The following DPY19L4 variants were observed in gnomAD, a reference collection of about 807,000 sequenced individuals.
DPY19L4 encodes the protein dpy-19 like 4.
In DPY19L4, 97 loss-of-function variants were observed where a neutral mutation model predicts 102.8. The ratio of observed to expected loss-of-function variants is 0.94; its 90% CI spans 0.80 to 1.12. The LOEUF (loss-of-function observed/expected upper bound fraction) is 1.12. Ranked by LOEUF, DPY19L4 falls within the 50% of genes most tolerant of loss-of-function variation. DPY19L4 has a pLI of 0.00. For missense variants in DPY19L4, 815 were observed against 850.4 expected (o/e 0.96, Z 0.52); for synonymous variants, 252 against 283.1 (o/e 0.89, Z 1.10).
At position 94,743,276 on chromosome 8, in the gene DPY19L4, C is replaced by T. The variant is rs146574336; in HGVS notation, c.611+3486C>T. On this transcript the variant is annotated intron_variant, in intron 6 of 18. Coordinates refer to ENST00000414645, the MANE Select transcript of DPY19L4 (RefSeq NM_181787.3). ...AACTCCTGACCTCAAGTGATCCACCCGCCTCGGCCTCCCAAAGTGCTGGGA... is the reference window on the plus strand; with the variant it reads ...AACTCCTGACCTCAAGTGATCCACCTGCCTCGGCCTCCCAAAGTGCTGGGA... 6.4e-3 allele frequency among the ~76,000 whole-genome samples: 971 copies of T among 151,890 alleles called. 10 individuals carry two copies. The highest frequency in any genetic ancestry group is 0.023 in the African/African-American group (943 of 41,440).
In DPY19L4 at chr8:94,775,208, C is replaced by T. The variant is rs116269090; in HGVS notation, c.1455-2458C>T. Reference sequence around the variant, plus strand: ...CCTTTTTTTTTTTTGAGACAGGGTCCTGTTCTCTTGCCGAGGCTGGAGGCG... The same window carrying T: ...CCTTTTTTTTTTTTGAGACAGGGTCTTGTTCTCTTGCCGAGGCTGGAGGCG... On this transcript the variant is annotated intron_variant, in intron 13 of 18. Transcript: ENST00000414645. Among the ~76,000 whole-genome samples, 999 of 151,176 alleles carry T rather than the reference C, an allele frequency of 6.6e-3. 10 individuals are homozygous for T. The highest frequency in any genetic ancestry group is 0.023 in the African/African-American group (944 of 41,170).
At chr8:94,727,398 T>C (rs1403778448) in intron 2 of DPY19L4, among the ~76,000 whole-genome samples, 1 of 152,162 alleles carries the variant, frequency 6.6e-6, no homozygotes, top group African/African-American at 2.4e-5. Flanking sequence ...CACGCCTGGC[T>C]AATTTTTGTA....
rs1813917717 is a variant in DPY19L4, at chr8:94,792,579, A to C, written c.*2669A>C. 6.7e-6 allele frequency: 1 copy of C among 149,090 alleles called. No homozygotes were observed. Among genetic ancestry groups the C allele is most frequent in the East Asian group, 2.2e-4 (1 of 4,578 alleles). 9.2% of individuals were successfully genotyped at this position (149,090 alleles called of 1,614,324 possible). Reference sequence around the variant, plus strand: ...TTTGTTAAAAGTAGAGATGGAGGCCAGGCGCAGTGGCTCACTCCTGTAATC... The same window carrying C: ...TTTGTTAAAAGTAGAGATGGAGGCCCGGCGCAGTGGCTCACTCCTGTAATC... On this transcript the variant is annotated 3_prime_UTR_variant, in exon 19 of 19. Coordinates refer to ENST00000414645, the MANE Select transcript of DPY19L4 (RefSeq NM_181787.3).
chr8:94,764,234 A>G (rs1812527908), intron 8 of DPY19L4, among the ~76,000 whole-genome samples: 1 of 152,156 alleles, frequency 6.6e-6, no homozygotes, highest in African/African-American at 2.4e-5. Flanking sequence ...TCTGATTTAG[A>G]CACTGATGCT....
rs748423055 is a variant in DPY19L4 at position 94,765,356 on chromosome 8, T to C, written c.1002+42T>C. 1.1e-5 allele frequency: 17 copies of C among 1,571,070 alleles called. 1 individual carries two copies. Among genetic ancestry groups the C allele is most frequent in the Admixed American group, 2.0e-5 (1 of 49,402 alleles). On this transcript the variant is annotated intron_variant, in intron 9 of 18. Transcript: ENST00000414645. ...TTTTATTGTTCTTATTTTGATTTTT[T>C]TTTTTTGAAGTGGAGTCTCACTCTG... is the stretch of plus-strand genomic sequence containing the variant.
intron 1 of DPY19L4, 34 bp from the exon 2 acceptor site, chr8:94,726,297 A>G: frequency 1.3e-6 from 2 of 1,548,832 alleles, no homozygotes; most frequent in East Asian, 2.3e-5. Context: ...ACAATTTTAT[A>G]CACACATTGC....
intron 13 of DPY19L4, among the ~76,000 whole-genome samples, chr8:94,774,205 G>A (rs1337035588): frequency 1.3e-5 from 2 of 151,776 alleles, no homozygotes; most frequent in Admixed American, 1.3e-4. Flanking sequence ...CACCATGCCT[G>A]GCTAATATTT....
intron 12 of DPY19L4, among the ~76,000 whole-genome samples, chr8:94,769,888 CTTTTTT>C (rs368515503): frequency 2.3e-5 from 3 of 131,230 alleles, no homozygotes; most frequent in African/African-American, 5.7e-5. Flanking sequence ...TTATTCTTTT[CTTTTTT>C]TTTTTTTTTT....
chr8:94,735,453 T>C (rs1411230419), intron 3 of DPY19L4, among the ~76,000 whole-genome samples: 4 of 152,216 alleles, frequency 2.6e-5, no homozygotes, highest in Admixed American at 2.6e-4. Context: ...TTGATTTAGC[T>C]ATTACTGTAG....
intron 18 of DPY19L4, 101 bp from the exon 19 acceptor site, chr8:94,789,642 CAAT>C: frequency 2.9e-6 from 3 of 1,029,284 alleles, no homozygotes; most frequent in Admixed American, 5.5e-5. Flanking sequence ...CAATGTTTAG[CAAT>C]AATGTGTTTT....
Position 94,720,102 on chromosome 8 carries a change from CTGGTGGCCGCGGTCGCGG to C in DPY19L4, c.16+92_16+109del, listed in dbSNP as rs200238356. 4.6e-3 allele frequency: 6,665 copies of C among 1,435,708 alleles called. 299 individuals are homozygous for C. The African/African-American group carries it at 0.089, about 19-fold the overall frequency. The allele number at this position is 1,435,708 out of a possible 1,614,324, so 88.9% of individuals were successfully genotyped here. On this transcript the variant is annotated intron_variant, in intron 1 of 18. Transcript: ENST00000414645. ...GCGCTGGAGGTCTGGGTTGGAGCTG[CTGGTGGCCGCGGTCGCGG>C]TGGCGGCCGCGCGGGCAGGGCGGGA... is the stretch of plus-strand genomic sequence containing the variant.
rs1486429183 is a variant in DPY19L4, at chr8:94,746,182, C to T, written c.611+6392C>T. ...GTTTAAGTGATTCTCCTGCTTCAGCCTCCTGAGTAGCTGGGATTACAGGCA... is the reference window on the plus strand; with the variant it reads ...GTTTAAGTGATTCTCCTGCTTCAGCTTCCTGAGTAGCTGGGATTACAGGCA... On this transcript the variant is annotated intron_variant, in intron 6 of 18. Coordinates refer to ENST00000414645, the MANE Select transcript of DPY19L4 (RefSeq NM_181787.3). 2.0e-5 allele frequency among the ~76,000 whole-genome samples: 3 copies of T among 151,380 alleles called. No homozygotes were observed. In the East Asian group the frequency reaches 5.8e-4, roughly 29 times the overall value.
chr8:94,774,493 A>T (rs1307833904), intron 13 of DPY19L4, among the ~76,000 whole-genome samples: 1 of 152,056 alleles, frequency 6.6e-6, no homozygotes, highest in East Asian at 1.9e-4. Context: ...CATCTTGTAA[A>T]TCTAAAACTG....
In DPY19L4 at chr8:94,791,146, T is replaced by C. The variant is rs1813870490; in HGVS notation, c.*1236T>C. On this transcript the variant is annotated 3_prime_UTR_variant, in exon 19 of 19. Transcript: ENST00000414645. ...CTTATATTCCTGTTCAGTGAACAGA[T>C]TTTCATAATTCTCACTTGTTAAAGT... 13 of 152,170 alleles carry C rather than the reference T, an allele frequency of 8.5e-5. No homozygotes were observed. The highest frequency in any genetic ancestry group is 8.5e-4 in the Admixed American group (13 of 15,290). The allele number at this position is 152,170 out of a possible 1,614,324, so 9.4% of individuals were successfully genotyped here. A position where few individuals can be genotyped will look rare whatever the true frequency, so the allele number is the denominator to read the frequency against.
chr8:94,740,928 G>A (rs1470962103), intron 6 of DPY19L4, among the ~76,000 whole-genome samples: 1 of 152,112 alleles, frequency 6.6e-6, no homozygotes, highest in Non-Finnish European at 1.5e-5. Flanking sequence ...ACTCCATAGT[G>A]CATCTGGTTG....
intron 10 of DPY19L4, among the ~76,000 whole-genome samples, chr8:94,766,257 C>T (rs1406047759): frequency 6.6e-6 from 1 of 152,202 alleles, no homozygotes; most frequent in East Asian, 1.9e-4. Context: ...CGCCTGTAAT[C>T]CCAGCTACTT....
chr8:94,727,138 G>A (rs1181290483), intron 2 of DPY19L4, among the ~76,000 whole-genome samples: 4 of 152,086 alleles, frequency 2.6e-5, no homozygotes, highest in Non-Finnish European at 4.4e-5. Context: ...GTTTTATGTC[G>A]GGGGTTCCCC....
intron 14 of DPY19L4, among the ~76,000 whole-genome samples, chr8:94,778,642 G>A (rs1019292626): frequency 3.3e-5 from 5 of 151,884 alleles, no homozygotes; most frequent in Admixed American, 2.0e-4. Context: ...ATAGGGAAGG[G>A]CTACTCAATT....
intron 13 of DPY19L4, among the ~76,000 whole-genome samples, chr8:94,770,846 C>T (rs948226168): frequency 2.6e-5 from 4 of 151,420 alleles, no homozygotes; most frequent in East Asian, 1.9e-4. Context: ...GCCGAGATTG[C>T]GCCACTGCAC....
Sources: gnomAD v4.1 joint callset for allele counts (sites outside exome capture counted in the v4.1 genomes callset) on GRCh38, gnomAD v4.1.1 for gene constraint, MANE v1.5 for transcripts, NCBI Gene and HGNC (gene_info 2026-07-23, HGNC 2026-07-21) for gene names.